The following DLG1 variants were observed in gnomAD, a reference collection of about 807,000 sequenced individuals.
The protein encoded by DLG1 is discs large MAGUK scaffold protein 1, also known as disks large homolog 1.
In DLG1, 42 loss-of-function variants were observed where a neutral mutation model predicts 123.4. The observed-to-expected ratio is 0.34, with a 90% confidence interval of 0.27 to 0.44. The LOEUF (loss-of-function observed/expected upper bound fraction) is 0.44. Among genes scored for constraint, DLG1 ranks in the 20% least tolerant of loss-of-function variants. The pLI, the probability that DLG1 is intolerant of heterozygous loss-of-function variation, is 1.00. For synonymous variants in DLG1, 317 were observed against 356.2 expected (o/e 0.89, Z 1.24); for missense variants, 942 against 1,082.6 (o/e 0.87, Z 1.82).
At position 197,086,212 on chromosome 3, in the gene DLG1, T is replaced by G. The variant is rs1198960911; in HGVS notation, c.1662-456A>C. 3.3e-5 allele frequency among the ~76,000 whole-genome samples: 5 copies of G among 152,230 alleles called. No individual in the cohort carries two copies. In the East Asian group the frequency reaches 7.7e-4, roughly 23 times the overall value. On this transcript the variant is annotated intron_variant, in intron 15 of 24. Transcript: ENST00000667157. Reference sequence around the variant, plus strand: ...TAGTGACTATTCTGTCCATTAATTATTCCTTCCATTTGTTCACAATACTAG... The same window carrying G: ...TAGTGACTATTCTGTCCATTAATTAGTCCTTCCATTTGTTCACAATACTAG...
At chr3:197,201,996 G>A (rs920206359) in intron 4 of DLG1, among the ~76,000 whole-genome samples, 4 of 151,854 alleles carry the variant, frequency 2.6e-5, no homozygotes, top group African/African-American at 7.3e-5. Context: ...ACTTGCAGGG[G>A]TGGAGGGGTG....
rs141603388 is a variant in DLG1 at position 197,151,743 on chromosome 3, A to G, written c.484-1947T>C. On this transcript the variant is annotated intron_variant, in intron 5 of 24. Coordinates refer to ENST00000667157, the MANE Select transcript of DLG1 (RefSeq NM_001366207.1). ...TGAAATACTCTGGGTCAGGGTTGCT[A>G]TTAAGATACTGGCATTCAGCCAAGT... Among the ~76,000 whole-genome samples the G allele has an allele frequency of 1.0e-2, 1,519 of 152,334 alleles. 18 individuals are homozygous for G. The highest frequency in any genetic ancestry group is 0.024 in the African/African-American group (992 of 41,570).
At chr3:197,114,022 A>G (rs1771633426) in intron 13 of DLG1, among the ~76,000 whole-genome samples, 1 of 152,200 alleles carries the variant, frequency 6.6e-6, no homozygotes, top group Non-Finnish European at 1.5e-5. Flanking sequence ...AAGAAAAAAG[A>G]AAAGAAAATT....
intron 4 of DLG1, among the ~76,000 whole-genome samples, chr3:197,246,867 T>C (rs115767380): frequency 1.6e-3 from 247 of 152,298 alleles, no homozygotes; most frequent in African/African-American, 4.3e-3. Context: ...CTGGAAATAT[T>C]TGGTCTGCTG....
rs143950979 is a variant in DLG1, at chr3:197,155,606, C to A, written c.484-5810G>T. Among the ~76,000 whole-genome samples the A allele has an allele frequency of 9.7e-3, 1,469 of 151,860 alleles. 18 individuals carry two copies. The highest frequency in any genetic ancestry group is 0.023 in the African/African-American group (949 of 41,394). ...TTGGTTTTCCACATGATTGAAGAGACCATTACATTTTCAAATTTAAAAAAA... is the reference window on the plus strand; with the variant it reads ...TTGGTTTTCCACATGATTGAAGAGAACATTACATTTTCAAATTTAAAAAAA... On this transcript the variant is annotated intron_variant, in intron 5 of 24. Coordinates refer to ENST00000667157, the MANE Select transcript of DLG1 (RefSeq NM_001366207.1).
At chr3:197,230,567 G>A (rs892388027) in intron 4 of DLG1, among the ~76,000 whole-genome samples, 5 of 152,144 alleles carry the variant, frequency 3.3e-5, no homozygotes, top group Non-Finnish European at 5.9e-5. Context: ...AAGTCCAAAA[G>A]AAGCTAAACT....
chr3:197,083,836 G>A (rs1482012184), intron 16 of DLG1, among the ~76,000 whole-genome samples: 5 of 125,262 alleles, frequency 4.0e-5, no homozygotes, highest in South Asian at 2.3e-4. Context: ...AAACTTAGCC[G>A]GGTGCAGTGA....
chr3:197,068,538 C>T (rs1741339478), intron 19 of DLG1: 1 of 1,576,016 alleles, frequency 6.3e-7, no homozygotes, highest in Non-Finnish European at 8.6e-7. Flanking sequence ...ATCAAGATTA[C>T]TTTCATATTA....
chr3:197,085,380 C>T, intron 16 of DLG1, 200 bp downstream of exon 16: 1 of 555,376 alleles, frequency 1.8e-6, no homozygotes, highest in Admixed American at 3.2e-5. Context: ...TGGTAACCAC[C>T]ATTCTTCTCT....
At chr3:197,052,994 G>T (rs752893460) in intron 23 of DLG1, among the ~76,000 whole-genome samples, 2 of 152,272 alleles carry the variant, frequency 1.3e-5, no homozygotes, top group South Asian at 4.1e-4. Flanking sequence ...GTGACTTTTT[G>T]TAAGAAATTA....
chr3:197,296,975 C>G (rs1777732964), intron 2 of DLG1: 1 of 590,620 alleles, frequency 1.7e-6, no homozygotes, highest in East Asian at 3.3e-5. Flanking sequence ...AACTGCCTCT[C>G]TTAATCACTA....
intron 24 of DLG1, among the ~76,000 whole-genome samples, chr3:197,050,322 G>A (rs532209522): frequency 9.6e-4 from 144 of 149,770 alleles, no homozygotes; most frequent in Non-Finnish European, 1.9e-3. Flanking sequence ...AGCCGAGATT[G>A]CGCCACTGCA....
intron 14 of DLG1, among the ~76,000 whole-genome samples, chr3:197,096,841 G>A (rs914178591): frequency 1.3e-5 from 2 of 152,064 alleles, no homozygotes; most frequent in African/African-American, 4.8e-5. Context: ...GAGACATTAC[G>A]CTAATCCTTA....
chr3:197,201,066 A>G (rs1011235115), intron 4 of DLG1, among the ~76,000 whole-genome samples: 1 of 152,234 alleles, frequency 6.6e-6, no homozygotes, highest in African/African-American at 2.4e-5. Flanking sequence ...TGCTGATGAC[A>G]TCATCTTTTA....
intron 3 of DLG1, among the ~76,000 whole-genome samples, chr3:197,295,840 C>A (rs566446716): frequency 1.2e-3 from 184 of 152,272 alleles, no homozygotes; most frequent in African/African-American, 4.2e-3. Flanking sequence ...AAGAATAAAA[C>A]TTTCCATTTT....
At chr3:197,157,977 T>C (rs1346382201) in intron 5 of DLG1, among the ~76,000 whole-genome samples, 1 of 152,126 alleles carries the variant, frequency 6.6e-6, no homozygotes, top group African/African-American at 2.4e-5. Context: ...AGCGAGACAC[T>C]GGAATTGTCA....
At chr3:197,286,425 A>G (rs1042925264) in intron 3 of DLG1, among the ~76,000 whole-genome samples, 1 of 152,162 alleles carries the variant, frequency 6.6e-6, no homozygotes, top group African/African-American at 2.4e-5. Flanking sequence ...GGAGTGCACA[A>G]TCTAGATCCC....
intron 2 of DLG1, 36 bp downstream of exon 2, chr3:197,297,150 T>C: frequency 6.2e-7 from 1 of 1,612,860 alleles, no homozygotes; most frequent in Non-Finnish European, 8.5e-7. Context: ...GAAAAGCAAG[T>C]GACATCGACA....
chr3:197,050,447 T>C (rs995242890), intron 24 of DLG1, among the ~76,000 whole-genome samples: 16 of 152,244 alleles, frequency 1.1e-4, no homozygotes, highest in Admixed American at 6.5e-4. Context: ...TGTATGTATG[T>C]ATGCATGCAT....
Sources: allele counts gnomAD v4.1 joint callset (sites outside exome capture counted in the v4.1 genomes callset), GRCh38; gene constraint gnomAD v4.1.1; transcripts MANE v1.5; gene names NCBI Gene and HGNC (gene_info 2026-07-23, HGNC 2026-07-21).